The following GPR158 variants were observed in gnomAD, a reference collection of about 807,000 sequenced individuals.
GPR158 encodes metabotropic glycine receptor.
A neutral mutation model predicts 78.2 loss-of-function variants in GPR158; 30 were observed. The ratio of observed to expected loss-of-function variants is 0.38; its 90% CI spans 0.29 to 0.52. The LOEUF is 0.52. Ranked by LOEUF, GPR158 falls within the 20% of genes least tolerant of loss-of-function variation. GPR158 has a pLI of 0.83. For synonymous variants in GPR158, 581 were observed against 591.1 expected (o/e 0.98, Z 0.25); for missense variants, 1,463 against 1,523.5 (o/e 0.96, Z 0.66).
In GPR158 at chr10:25,365,785, A is replaced by C. The variant is rs560082557; in HGVS notation, c.1009-30126A>C. Among the ~76,000 whole-genome samples, 26 of 151,776 alleles carry C rather than the reference A, an allele frequency of 1.7e-4. No individual in the cohort carries two copies. In the South Asian group the frequency reaches 5.4e-3, roughly 31 times the overall value. On this transcript the variant is annotated intron_variant, in intron 2 of 10. Transcript: ENST00000376351. ...AAATGTTTCATAAAAGCACATAATA[A>C]GTATACAGCACAATGAATTGTCACA...
intron 2 of GPR158, among the ~76,000 whole-genome samples, chr10:25,360,003 T>TA (rs1424035837): frequency 6.6e-6 from 1 of 152,230 alleles, no homozygotes; most frequent in Admixed American, 6.5e-5. Flanking sequence ...TGCATTTCTC[T>TA]AATGACCAGC....
At chr10:25,200,331 T>G (rs1158383664) in intron 1 of GPR158, among the ~76,000 whole-genome samples, 2 of 152,218 alleles carry the variant, frequency 1.3e-5, no homozygotes, top group African/African-American at 4.8e-5. Flanking sequence ...AAGTGTCTGT[T>G]CGTGTCCTTT....
chr10:25,417,044 G>C (rs548159773), intron 4 of GPR158, among the ~76,000 whole-genome samples: 182 of 152,152 alleles, frequency 1.2e-3, no homozygotes, highest in African/African-American at 4.2e-3. Context: ...AAAAAAATAA[G>C]TCATAGTAGC....
chr10:25,313,726 T>A (rs7896974), intron 2 of GPR158, among the ~76,000 whole-genome samples: 30,801 of 152,164 alleles, frequency 0.2, 5,263 homozygotes, highest in African/African-American at 0.47. Flanking sequence ...TAGAATTAGA[T>A]TCAGTTTGTT....
intron 2 of GPR158, among the ~76,000 whole-genome samples, chr10:25,378,983 G>C (rs1347453479): frequency 6.6e-6 from 1 of 151,926 alleles, no homozygotes; most frequent in Admixed American, 6.6e-5. Context: ...CTGAGATGGG[G>C]TCTCACCGTG....
intron 5 of GPR158, among the ~76,000 whole-genome samples, chr10:25,486,438 A>G (rs1298341332): frequency 6.6e-6 from 1 of 152,140 alleles, no homozygotes. Flanking sequence ...AATGAAAGTA[A>G]TAACGTCATC....
chr10:25,382,604 T>C (rs1402738890), intron 2 of GPR158, among the ~76,000 whole-genome samples: 1 of 152,118 alleles, frequency 6.6e-6, no homozygotes, highest in Non-Finnish European at 1.5e-5. Flanking sequence ...GTTCTTGTTT[T>C]CCTGGAAGGT....
At chr10:25,390,130 G>T (rs1359875867) in intron 2 of GPR158, among the ~76,000 whole-genome samples, 2 of 152,178 alleles carry the variant, frequency 1.3e-5, no homozygotes, top group Non-Finnish European at 2.9e-5. Context: ...GTGGAACTGT[G>T]AGTCTTTTAA....
At chr10:25,306,216 T>C (rs1230263439) in intron 2 of GPR158, among the ~76,000 whole-genome samples, 1 of 152,206 alleles carries the variant, frequency 6.6e-6, no homozygotes, top group Non-Finnish European at 1.5e-5. Flanking sequence ...GGCTCCCTAC[T>C]ATCCAATTTA....
intron 2 of GPR158, among the ~76,000 whole-genome samples, chr10:25,328,577 CA>C (rs1855069004): frequency 1.3e-5 from 2 of 151,944 alleles, no homozygotes; most frequent in Admixed American, 1.3e-4. Context: ...ACTTAAAAGT[CA>C]ATGTGTCCAG....
chr10:25,357,715 G>A (rs1855572457), intron 2 of GPR158, among the ~76,000 whole-genome samples: 1 of 152,122 alleles, frequency 6.6e-6, no homozygotes, highest in East Asian at 1.9e-4. Context: ...GCAGAAGTTT[G>A]CTACAGGGGC....
chr10:25,175,450 C>T lies in GPR158; in HGVS notation c.30C>T (p.Leu10=). Residue 10 remains leucine, a synonymous_variant, in exon 1 of 11, where the codon CTC becomes CTT. Transcript: ENST00000376351. The surrounding 1 kb of genome is among the most constrained non-coding windows in gnomAD (Gnocchi z 6.4). ...GAGCCATGGCTTACCCCTTACTCCT[C>T]TGCCTCCTGCTTGCTCAGCTGGGAT... MGAMAYPLL[L]CLLLAQLGLG... 1 of 1,597,762 alleles carries T rather than the reference C, an allele frequency of 6.3e-7. No individual in the cohort carries two copies. The highest frequency in any genetic ancestry group is 8.5e-7 in the Non-Finnish European group (1 of 1,172,002).
intron 4 of GPR158, among the ~76,000 whole-genome samples, chr10:25,416,749 C>A (rs1307875058): frequency 2.0e-5 from 3 of 152,088 alleles, no homozygotes; most frequent in Admixed American, 6.6e-5. Flanking sequence ...GAAAATCCAG[C>A]CCCTGAGAGA....
At chr10:25,440,506 GAGAT>G (rs375967592) in intron 4 of GPR158, among the ~76,000 whole-genome samples, 10 of 152,276 alleles carry the variant, frequency 6.6e-5, no homozygotes, top group African/African-American at 2.4e-4. Flanking sequence ...ATCTGACAGG[GAGAT>G]ACTTGTTGCA....
intron 5 of GPR158, among the ~76,000 whole-genome samples, chr10:25,526,747 A>G (rs932702031): frequency 1.3e-4 from 20 of 152,346 alleles, no homozygotes; most frequent in African/African-American, 4.8e-4. Context: ...GCTGAGTTAC[A>G]TAGGCAGAGC....
chr10:25,189,867 T>G, intron 1 of GPR158, among the ~76,000 whole-genome samples: 1 of 147,342 alleles, frequency 6.8e-6, no homozygotes, highest in Non-Finnish European at 1.5e-5. Flanking sequence ...TGTGTGTGTG[T>G]GTGTGTATGT....
intron 4 of GPR158, among the ~76,000 whole-genome samples, chr10:25,442,698 A>T (rs1280864094): frequency 6.6e-6 from 1 of 152,116 alleles, no homozygotes; most frequent in East Asian, 1.9e-4. Flanking sequence ...CATCTTTCTC[A>T]TCCTTGACAT....
At chr10:25,511,013 G>A (rs751893632) in intron 5 of GPR158, among the ~76,000 whole-genome samples, 7 of 152,140 alleles carry the variant, frequency 4.6e-5, no homozygotes, top group Non-Finnish European at 7.3e-5. Context: ...CCATGCATGT[G>A]CAAGTATCTT....
intron 1 of GPR158, among the ~76,000 whole-genome samples, chr10:25,182,777 G>A (rs564278922): frequency 5.0e-4 from 76 of 152,316 alleles, no homozygotes; most frequent in South Asian, 8.3e-4. Flanking sequence ...ATGCCAAGGC[G>A]TATGTTGTTG....
Sources: allele counts gnomAD v4.1 joint callset (sites outside exome capture counted in the v4.1 genomes callset), GRCh38; gene constraint gnomAD v4.1.1; non-coding constraint Gnocchi (gnomAD v3.1); transcripts MANE v1.5; gene names NCBI Gene and HGNC (gene_info 2026-07-23, HGNC 2026-07-21).